MARCHF10: variants seen among roughly 807,000 people sequenced by gnomAD.
MARCHF10 encodes the protein membrane associated ring-CH-type finger 10, also known as probable E3 ubiquitin-protein ligase MARCHF10.
MARCHF10 carries 64 observed loss-of-function variants against 76.2 expected under a neutral mutation model. The observed-to-expected ratio is 0.84, with a 90% CI of 0.69 to 1.03. MARCHF10 has a LOEUF of 1.03. Among genes scored for constraint, MARCHF10 ranks in the 50% least tolerant of loss-of-function variants. The pLI, the probability that MARCHF10 is intolerant of heterozygous loss-of-function variation, is 0.00. For missense variants in MARCHF10, 875 were observed against 958.0 expected, an observed-to-expected ratio of 0.91 and a Z score of 1.14; for synonymous variants, 340 against 357.5, an observed-to-expected ratio of 0.95 and a Z score of 0.55.
intron 1 of MARCHF10, chr17:62,806,419 C>A (rs749920975): frequency 6.6e-6 from 1 of 152,220 alleles, no homozygotes; most frequent in Non-Finnish European, 1.5e-5. Context: ...GTATTCTCTT[C>A]TATCGCTCAC....
At chr17:62,798,760 G>C (rs984626473) in intron 2 of MARCHF10, among the ~76,000 whole-genome samples, 2 of 152,214 alleles carry the variant, frequency 1.3e-5, no homozygotes, top group Non-Finnish European at 2.9e-5. Context: ...TTGCTCTTTT[G>C]TTCTTAAGAT....
chr17:62,714,250 G>T (rs967780553), intron 8 of MARCHF10: 2 of 283,280 alleles, frequency 7.1e-6, no homozygotes, highest in Admixed American at 6.5e-5. Context: ...CCTGGAAAGC[G>T]CTGCCGGCTA....
At chr17:62,782,854 G>C (rs2092683230) in intron 3 of MARCHF10, among the ~76,000 whole-genome samples, 1 of 152,148 alleles carries the variant, frequency 6.6e-6, no homozygotes, top group African/African-American at 2.4e-5. Context: ...TGGCTGTTAA[G>C]AATGATGCAT....
At position 62,767,450 on chromosome 17, in the gene MARCHF10, C is replaced by CCTTTTTTTTTTTTTTTTTTTTTTTTTT. The variant is rs67106553; in HGVS notation, c.211-7445_211-7444insAAAAAAAAAAAAAAAAAAAAAAAAAAG. On this transcript the variant is annotated intron_variant, in intron 3 of 10. Transcript: ENST00000311269. ...AGCTTTGAATTGGTGGGTCTGTATTCTTTTTTTTTTTTTTTTTTGAGATGG... is the reference window on the plus strand; with the variant it reads ...AGCTTTGAATTGGTGGGTCTGTATTCCTTTTTTTTTTTTTTTTTTTTTTTTTTTTTTTTTTTTTTTTTTTTGAGATGG... Among the ~76,000 whole-genome samples, 6 of 134,790 alleles carry CCTTTTTTTTTTTTTTTTTTTTTTTTTT rather than the reference C, an allele frequency of 4.5e-5. 2 individuals are homozygous for CCTTTTTTTTTTTTTTTTTTTTTTTTTT. Among genetic ancestry groups the CCTTTTTTTTTTTTTTTTTTTTTTTTTT allele is most frequent in the South Asian group, 2.3e-4 (1 of 4,384 alleles). 88.4% of individuals were successfully genotyped at this position (134,790 alleles called of 152,430 possible). A position where few individuals can be genotyped will look rare whatever the true frequency, so the allele number is the denominator to read the frequency against.
intron 2 of MARCHF10, among the ~76,000 whole-genome samples, chr17:62,796,358 T>A (rs372572323): frequency 1.3e-5 from 2 of 152,294 alleles, no homozygotes; most frequent in East Asian, 3.9e-4. Flanking sequence ...AGGGATAGAT[T>A]AATAATATAA....
intron 4 of MARCHF10, among the ~76,000 whole-genome samples, chr17:62,751,165 G>A (rs8072725): frequency 0.52 from 78,602 of 152,020 alleles, 21,394 homozygotes; most frequent in East Asian, 0.7. Context: ...CCTCGCTGGA[G>A]GCAGAATACG....
intron 2 of MARCHF10, among the ~76,000 whole-genome samples, chr17:62,793,136 TCAC>T (rs2092899007): frequency 1.5e-5 from 1 of 68,638 alleles, no homozygotes; most frequent in African/African-American, 6.1e-5. Context: ...ACCACAACCA[TCAC>T]CACCATCACC....
At chr17:62,723,106 G>A (rs923136164) in intron 7 of MARCHF10, among the ~76,000 whole-genome samples, 6 of 151,716 alleles carry the variant, frequency 4.0e-5, no homozygotes, top group African/African-American at 1.2e-4. Context: ...GTGAGGGAGC[G>A]AGGGGCCAGG....
intron 6 of MARCHF10, among the ~76,000 whole-genome samples, chr17:62,732,685 C>CA (rs1288061256): frequency 2.0e-5 from 3 of 151,994 alleles, no homozygotes; most frequent in African/African-American, 7.2e-5. Flanking sequence ...AGACAAGATA[C>CA]AAATTGCAAT....
At chr17:62,795,056 G>A (rs573861631) in intron 2 of MARCHF10, 25 of 985,188 alleles carry the variant, frequency 2.5e-5, no homozygotes, top group Admixed American at 6.2e-5. Flanking sequence ...CCTCACCTCC[G>A]TCCCTATGGG....
At chr17:62,710,969 G>T (rs2089901708) in intron 9 of MARCHF10, among the ~76,000 whole-genome samples, 1 of 152,076 alleles carries the variant, frequency 6.6e-6, no homozygotes, top group African/African-American at 2.4e-5. Context: ...TATCCTAGAG[G>T]CTCATTCGGT....
chr17:62,747,321 C>A (rs1348825949), intron 4 of MARCHF10, among the ~76,000 whole-genome samples: 3 of 152,028 alleles, frequency 2.0e-5, no homozygotes, highest in Non-Finnish European at 4.4e-5. Context: ...TTTTCTTGTT[C>A]AAAAAAACTG....
At chr17:62,750,478 A>G (rs2286566) in intron 4 of MARCHF10, 80,652 of 152,770 alleles carry the variant, frequency 0.53, 22,115 homozygotes, top group East Asian at 0.7. Context: ...GGGAGAAAGC[A>G]AAGACGGAGC....
At chr17:62,724,375 C>T (rs983554401) in intron 7 of MARCHF10, among the ~76,000 whole-genome samples, 1 of 152,090 alleles carries the variant, frequency 6.6e-6, no homozygotes, top group African/African-American at 2.4e-5. Context: ...ACAAAATCAG[C>T]ACATGGAAAT....
chr17:62,783,093 A>G (rs532669880), intron 3 of MARCHF10, among the ~76,000 whole-genome samples: 1 of 151,172 alleles, frequency 6.6e-6, no homozygotes, highest in South Asian at 2.1e-4. Flanking sequence ...GAAAACTGAG[A>G]TTATGTAAGC....
chr17:62,803,003 C>T (rs1295918927), intron 1 of MARCHF10, among the ~76,000 whole-genome samples: 3 of 152,322 alleles, frequency 2.0e-5, no homozygotes, highest in East Asian at 3.9e-4. Flanking sequence ...GCCATCCAGG[C>T]TGGAGTGTAG....
intron 5 of MARCHF10, among the ~76,000 whole-genome samples, chr17:62,744,008 C>T (rs55920017): frequency 1.6e-3 from 237 of 152,236 alleles, no homozygotes; most frequent in African/African-American, 5.4e-3. Flanking sequence ...GTTGCAGATC[C>T]GCTTCTCTGC....
At chr17:62,801,813 G>A in intron 1 of MARCHF10, 61 bp from the exon 2 acceptor site, 1 of 1,205,902 alleles carries the variant, frequency 8.3e-7, no homozygotes, top group South Asian at 1.2e-5. Context: ...TGCCGTATTT[G>A]GATTTATTTT....
chr17:62,732,849 T>C (rs1402645678), intron 6 of MARCHF10, among the ~76,000 whole-genome samples: 1 of 151,646 alleles, frequency 6.6e-6, no homozygotes, highest in Non-Finnish European at 1.5e-5. Flanking sequence ...AAAAATTAGC[T>C]GGGCGTGGTG....
Sources: allele counts gnomAD v4.1 joint callset (sites outside exome capture counted in the v4.1 genomes callset), GRCh38; gene constraint gnomAD v4.1.1; transcripts MANE v1.5; gene names NCBI Gene and HGNC (gene_info 2026-07-23, HGNC 2026-07-21).